The following PCDHGA3 variants were observed in gnomAD, a reference collection of about 807,000 sequenced individuals.
PCDHGA3 encodes protocadherin gamma-A3.
In PCDHGA3, 40 loss-of-function variants were observed where a neutral mutation model predicts 58.5. That is an observed-to-expected ratio of 0.68 (90% confidence interval 0.53 to 0.89). PCDHGA3 has a LOEUF of 0.89. Ranked by LOEUF, PCDHGA3 falls within the 40% of genes least tolerant of loss-of-function variation. The pLI, the probability that PCDHGA3 is intolerant of heterozygous loss-of-function variation, is 0.00. For missense variants in PCDHGA3, 1,223 were observed against 1,195.9 expected (o/e 1.02, Z -0.33); for synonymous variants, 530 against 525.7 (o/e 1.01, Z -0.11).
chr5:141,367,096 G>A (rs1364732092), intron 1 of PCDHGA3: 1 of 251,526 alleles, frequency 4.0e-6, no homozygotes, highest in East Asian at 1.1e-4. Flanking sequence ...TCTCTTTTGA[G>A]TGTCTGCCTA....
intron 1 of PCDHGA3, among the ~76,000 whole-genome samples, chr5:141,473,775 T>A (rs1219791398): frequency 6.6e-6 from 1 of 152,190 alleles, no homozygotes; most frequent in African/African-American, 2.4e-5. Flanking sequence ...ATTTGGTATT[T>A]TAATTCAAGA....
At chr5:141,478,173 A>G (rs1397071220) in intron 1 of PCDHGA3, 1 of 1,613,986 alleles carries the variant, frequency 6.2e-7, no homozygotes, top group Non-Finnish European at 8.5e-7. Flanking sequence ...CCCCGGGAGC[A>G]GAAAAAAAAT....
chr5:141,350,459 A>G, intron 1 of PCDHGA3: 1 of 1,613,440 alleles, frequency 6.2e-7, no homozygotes, highest in South Asian at 1.1e-5. Flanking sequence ...ACTGCGGGTT[A>G]GTGCAGAGGA....
At chr5:141,357,966 G>A (rs1480314372) in intron 1 of PCDHGA3, among the ~76,000 whole-genome samples, 1 of 152,168 alleles carries the variant, frequency 6.6e-6, no homozygotes, top group African/African-American at 2.4e-5. Flanking sequence ...GAGGAGGACG[G>A]ATTGCCTGAG....
At chr5:141,365,599 C>T (rs368039042) in intron 1 of PCDHGA3, 3 of 1,613,520 alleles carry the variant, frequency 1.9e-6, no homozygotes, top group Admixed American at 1.7e-5. Flanking sequence ...TCACTTTAAC[C>T]GTCATGGACC....
At position 141,371,145 on chromosome 5, in the gene PCDHGA3, G is replaced by A. The variant is rs144065486; in HGVS notation, c.2424+24688G>A. The stretch of plus-strand genomic sequence containing the variant: ...TACTCAGGACATGTACAGGGTCAAT[G>A]TTGCAGAGAACCTGCCCGCTGGCTC... On this transcript the variant is annotated intron_variant, in intron 1 of 3. Coordinates refer to ENST00000253812, the MANE Select transcript of PCDHGA3 (RefSeq NM_018916.4). 54 of 1,614,030 alleles carry A rather than the reference G, an allele frequency of 3.3e-5. No individual in the cohort carries two copies. The African/African-American group carries it at 6.0e-4, about 18-fold the overall frequency.
At chr5:141,409,235 C>A (rs1471024804) in intron 1 of PCDHGA3, 1 of 1,613,832 alleles carries the variant, frequency 6.2e-7, no homozygotes, top group East Asian at 2.2e-5. Context: ...CGACAACAGC[C>A]CAGAAATAAT....
chr5:141,422,656 G>A (rs759548203), intron 1 of PCDHGA3: 3 of 1,609,780 alleles, frequency 1.9e-6, no homozygotes, highest in Non-Finnish European at 1.7e-6. Context: ...CTCAGTGACC[G>A]CCCTCGACCC....
chr5:141,409,734 G>C (rs1278458472), intron 1 of PCDHGA3: 2 of 1,613,144 alleles, frequency 1.2e-6, no homozygotes, highest in Admixed American at 3.3e-5. Flanking sequence ...AGCGCGCAGA[G>C]CGGGGTGGTG....
intron 1 of PCDHGA3, among the ~76,000 whole-genome samples, chr5:141,481,039 C>T (rs748434260): frequency 4.6e-5 from 7 of 152,048 alleles, no homozygotes; most frequent in Non-Finnish European, 8.8e-5. Flanking sequence ...GCCTGGGCGA[C>T]AGAGCGAGAC....
chr5:141,482,574 A>C (rs1294997781), intron 1 of PCDHGA3, among the ~76,000 whole-genome samples: 2 of 151,592 alleles, frequency 1.3e-5, no homozygotes, highest in Non-Finnish European at 2.9e-5. Context: ...GCATAGCATA[A>C]GATGCAGTGG....
At position 141,511,345 on chromosome 5, in the gene PCDHGA3, T is replaced by A; in HGVS notation, c.*172T>A. The A allele has an allele frequency of 7.8e-6, 11 of 1,410,508 alleles. No individual in the cohort carries two copies. The highest frequency in any genetic ancestry group is 1.0e-5 in the Non-Finnish European group (11 of 1,060,682). 87.4% of individuals were successfully genotyped at this position (1,410,508 alleles called of 1,614,324 possible). ...AAGTGCCCAGTCAGCACCTACCCCT[T>A]CCCCCCCAGGGGGTTGAATATGCAA... On this transcript the variant is annotated 3_prime_UTR_variant, in exon 4 of 4. Transcript: ENST00000253812.
chr5:141,420,477 A>T (rs1469261817), intron 1 of PCDHGA3: 3 of 626,262 alleles, frequency 4.8e-6, no homozygotes, highest in Non-Finnish European at 7.0e-6. Flanking sequence ...TTTAAAGCAA[A>T]CTACATGGGT....
intron 1 of PCDHGA3, among the ~76,000 whole-genome samples, chr5:141,438,591 CATATAT>C (rs946798767): frequency 1.2e-3 from 91 of 75,538 alleles, no homozygotes; most frequent in Non-Finnish European, 1.7e-3. Flanking sequence ...TACATACATA[CATATAT>C]ATATATATAT....
intron 1 of PCDHGA3, chr5:141,428,860 CT>C (rs34152666): frequency 0.3 from 42,955 of 145,250 alleles, 7,185 homozygotes; most frequent in African/African-American, 0.5. Flanking sequence ...TTACGGGAGA[CT>C]TTTTTTTTTT....
chr5:141,463,438 CTTTTTTTTTTTTTTT>C (rs71576115), intron 1 of PCDHGA3, among the ~76,000 whole-genome samples: 7 of 103,256 alleles, frequency 6.8e-5, no homozygotes, highest in African/African-American at 3.1e-4. Flanking sequence ...TTTCCTTCTC[CTTTTTTTTTTTTTTT>C]TTTTTTTTTT....
chr5:141,394,347 G>C (rs770737407), intron 1 of PCDHGA3: 1 of 1,614,118 alleles, frequency 6.2e-7, no homozygotes, highest in Non-Finnish European at 8.5e-7. Flanking sequence ...CTCTGACACC[G>C]GTGTCCTGTA....
intron 1 of PCDHGA3, chr5:141,478,437 A>G (rs2099455876): frequency 6.2e-7 from 1 of 1,613,758 alleles, no homozygotes; most frequent in African/African-American, 1.3e-5. Flanking sequence ...CCGCTGCTGA[A>G]GAAACCTGGT....
intron 1 of PCDHGA3, chr5:141,399,518 G>C (rs2093824828): frequency 6.2e-7 from 1 of 1,613,994 alleles, no homozygotes. Flanking sequence ...AACCCTCCTG[G>C]GGCCTCCATC....
Sources: gnomAD v4.1 joint callset for allele counts (sites outside exome capture counted in the v4.1 genomes callset) on GRCh38, gnomAD v4.1.1 for gene constraint, MANE v1.5 for transcripts, NCBI Gene and HGNC (gene_info 2026-07-23, HGNC 2026-07-21) for gene names.